The following NRG1 variants were observed in gnomAD, a reference collection of about 807,000 sequenced individuals.
NRG1 encodes neuregulin 1, also known as pro-neuregulin-1, membrane-bound isoform.
In NRG1, 18 loss-of-function variants were observed where a neutral mutation model predicts 63.8. The ratio of observed to expected loss-of-function variants is 0.28; its 90% CI spans 0.19 to 0.42. NRG1 has a LOEUF of 0.42. Among genes scored for constraint, NRG1 ranks in the 10% least tolerant of loss-of-function variants. The pLI is 1.00. For synonymous variants in NRG1, 302 were observed against 301.3 expected (o/e 1.00, Z -0.02); for missense variants, 762 against 814.7 (o/e 0.94, Z 0.79).
At chr8:32,716,107 T>A (rs1439814087) in intron 5 of NRG1, among the ~76,000 whole-genome samples, 1 of 152,232 alleles carries the variant, frequency 6.6e-6, no homozygotes, top group Non-Finnish European at 1.5e-5. Flanking sequence ...AGCTCCTGCA[T>A]ATGTCTCTCC....
At chr8:32,105,764 T>A (rs1000346385) in intron 1 of NRG1, among the ~76,000 whole-genome samples, 1 of 152,148 alleles carries the variant, frequency 6.6e-6, no homozygotes, top group Non-Finnish European at 1.5e-5. Flanking sequence ...ACTCTTGATG[T>A]TTTTATTATA....
intron 1 of NRG1, among the ~76,000 whole-genome samples, chr8:32,391,475 G>C (rs1811764154): frequency 6.6e-6 from 1 of 152,074 alleles, no homozygotes; most frequent in East Asian, 1.9e-4. Flanking sequence ...ACTAAGCCCA[G>C]TACCCAATAC....
At chr8:32,170,176 T>C (rs933574349) in intron 1 of NRG1, among the ~76,000 whole-genome samples, 1 of 152,108 alleles carries the variant, frequency 6.6e-6, no homozygotes, top group Admixed American at 6.6e-5. Flanking sequence ...AGACAATAAT[T>C]TTCTGTTGTT....
intron 1 of NRG1, among the ~76,000 whole-genome samples, chr8:31,970,256 T>C (rs1053463097): frequency 2.6e-5 from 4 of 152,188 alleles, no homozygotes; most frequent in African/African-American, 7.2e-5. Flanking sequence ...TTTCAGGATA[T>C]AATAAAGAAG....
At chr8:32,129,749 G>A (rs1334732734) in intron 1 of NRG1, among the ~76,000 whole-genome samples, 1 of 151,806 alleles carries the variant, frequency 6.6e-6, no homozygotes, top group African/African-American at 2.4e-5. Flanking sequence ...TAATCAACGT[G>A]CTTGCTTAAA....
intron 1 of NRG1, among the ~76,000 whole-genome samples, chr8:31,690,582 G>A (rs1809394996): frequency 6.6e-6 from 1 of 152,180 alleles, no homozygotes; most frequent in Non-Finnish European, 1.5e-5. Context: ...TGATCCGAGA[G>A]AGTGATTTTT....
chr8:32,218,348 A>T (rs1395179232), intron 1 of NRG1, among the ~76,000 whole-genome samples: 1 of 152,090 alleles, frequency 6.6e-6, no homozygotes, highest in Non-Finnish European at 1.5e-5. Flanking sequence ...CCTTGCTTCC[A>T]TTTTCCATAT....
At position 32,390,039 on chromosome 8, in the gene NRG1, C is replaced by T. The variant is rs531286875; in HGVS notation, c.38-205789C>T. Among the ~76,000 whole-genome samples the T allele has an allele frequency of 4.6e-5, 7 of 152,212 alleles. No homozygotes were observed. The South Asian group carries it at 8.3e-4, about 18-fold the overall frequency. On this transcript the variant is annotated intron_variant, in intron 1 of 10. Transcript: ENST00000519301. ...CCTCCCAAAGTGCTGGGATTACAGGCGTGAGCCACTACACCCAGCTCTTTC... is the reference window on the plus strand; with the variant it reads ...CCTCCCAAAGTGCTGGGATTACAGGTGTGAGCCACTACACCCAGCTCTTTC...
At chr8:32,371,941 T>C (rs987044190) in intron 1 of NRG1, among the ~76,000 whole-genome samples, 5 of 151,966 alleles carry the variant, frequency 3.3e-5, no homozygotes, top group Non-Finnish European at 7.4e-5. Context: ...AATTGTGAGA[T>C]ACGATTTACC....
intron 1 of NRG1, among the ~76,000 whole-genome samples, chr8:32,233,477 A>G (rs1393528660): frequency 1.3e-5 from 2 of 149,208 alleles, no homozygotes; most frequent in African/African-American, 4.9e-5. Flanking sequence ...GTATGCAAAT[A>G]TATTATGGCA....
intron 1 of NRG1, among the ~76,000 whole-genome samples, chr8:31,747,884 A>G (rs1435294146): frequency 6.6e-6 from 1 of 151,926 alleles, no homozygotes; most frequent in Non-Finnish European, 1.5e-5. Flanking sequence ...TATATTTACT[A>G]TTTTAACTTC....
chr8:32,016,173 T>C (rs1339758033), intron 1 of NRG1, among the ~76,000 whole-genome samples: 1 of 152,146 alleles, frequency 6.6e-6, no homozygotes, highest in Non-Finnish European at 1.5e-5. Context: ...TATAAATAAA[T>C]CTCTCAAAGT....
At chr8:31,696,077 T>G (rs930351035) in intron 1 of NRG1, among the ~76,000 whole-genome samples, 4 of 152,218 alleles carry the variant, frequency 2.6e-5, no homozygotes, top group Non-Finnish European at 4.4e-5. Flanking sequence ...TTGTTTGGTT[T>G]GTTTTTTCAA....
At chr8:32,400,239 T>A (rs1432754608) in intron 1 of NRG1, among the ~76,000 whole-genome samples, 1 of 152,166 alleles carries the variant, frequency 6.6e-6, no homozygotes, top group African/African-American at 2.4e-5. Context: ...ATCCCAGCAC[T>A]TTGGGAGGCC....
At chr8:32,628,374 C>A (rs1849670878) in intron 5 of NRG1, among the ~76,000 whole-genome samples, 1 of 152,012 alleles carries the variant, frequency 6.6e-6, no homozygotes, top group African/African-American at 2.4e-5. Context: ...ATTTCACCTC[C>A]CTAATGTTCC....
intron 1 of NRG1, among the ~76,000 whole-genome samples, chr8:31,682,128 A>G (rs921985371): frequency 8.5e-5 from 13 of 152,204 alleles, no homozygotes; most frequent in African/African-American, 3.1e-4. Flanking sequence ...TTCCCACTAA[A>G]ACCTGGCAAC....
At chr8:32,285,861 A>C (rs1853458978) in intron 1 of NRG1, among the ~76,000 whole-genome samples, 1 of 152,168 alleles carries the variant, frequency 6.6e-6, no homozygotes, top group African/African-American at 2.4e-5. Context: ...GCTGCTCTTT[A>C]AGTTCAATGA....
chr8:31,900,671 A>G (rs1318757083), intron 1 of NRG1, among the ~76,000 whole-genome samples: 1 of 152,168 alleles, frequency 6.6e-6, no homozygotes, highest in Non-Finnish European at 1.5e-5. Context: ...TGTAAACTAC[A>G]TCCTGAACAT....
intron 1 of NRG1, among the ~76,000 whole-genome samples, 197 bp from the exon 2 acceptor site, chr8:32,595,631 G>A (rs1158581897): frequency 6.6e-6 from 1 of 152,106 alleles, no homozygotes; most frequent in Non-Finnish European, 1.5e-5. Context: ...CTCTGCTTCT[G>A]AGTATATTTT....
Sources: gnomAD v4.1 joint callset for allele counts (sites outside exome capture counted in the v4.1 genomes callset) on GRCh38, gnomAD v4.1.1 for gene constraint, MANE v1.5 for transcripts, NCBI Gene and HGNC (gene_info 2026-07-23, HGNC 2026-07-21) for gene names.